Variants in TTC39C observed in about 807,000 individuals in gnomAD.
TTC39C encodes tetratricopeptide repeat protein 39C.
TTC39C carries 33 observed loss-of-function variants against 76.3 expected under a neutral mutation model. That is an observed-to-expected ratio of 0.43 (90% CI 0.33 to 0.58). TTC39C has a LOEUF of 0.58. TTC39C is among the 20% of genes least tolerant of loss of function. The pLI is 0.04. For missense variants in TTC39C, 595 were observed against 701.4 expected, an observed-to-expected ratio of 0.85 and a Z score of 1.71; for synonymous variants, 254 against 260.6, an observed-to-expected ratio of 0.97 and a Z score of 0.24.
At position 24,082,962 on chromosome 18, in the gene TTC39C, G is replaced by A. The variant is rs922571040; in HGVS notation, c.865G>A (p.Asp289Asn). The A allele has an allele frequency of 6.2e-7, 1 of 1,612,312 alleles. No homozygotes were observed. Among genetic ancestry groups the A allele is most frequent in the Non-Finnish European group, 8.5e-7 (1 of 1,179,402 alleles). Residue 289 changes from aspartate to asparagine, a missense_variant, in exon 6 of 14, where the codon GAT (aspartate) becomes AAT (asparagine). Asp to Asn is a conservative substitution (Grantham distance 23). Transcript: ENST00000317571. The stretch of plus-strand genomic sequence containing the variant: ...TGTAGTCCGCCCGTTTTTTGCCTTG[G>A]ATGGCAGTGATAACAAGGCAGGCCT... ...HTVVRPFFAL[D>N]GSDNKAGLDE...
chr18:23,997,495 T>C (rs2083271251), intron 1 of TTC39C, among the ~76,000 whole-genome samples: 2 of 129,340 alleles, frequency 1.5e-5, no homozygotes, highest in African/African-American at 6.1e-5. Flanking sequence ...GAGATTGCAG[T>C]GAGCTGAGAT....
At chr18:24,015,662 A>G (rs2083446297) in intron 1 of TTC39C, among the ~76,000 whole-genome samples, 1 of 152,180 alleles carries the variant, frequency 6.6e-6, no homozygotes, top group Non-Finnish European at 1.5e-5. Flanking sequence ...TGAGTTCCTG[A>G]TGTCTTTCAA....
intron 10 of TTC39C, 101 bp from the exon 11 acceptor site, chr18:24,128,785 G>A: frequency 1.1e-6 from 1 of 895,860 alleles, no homozygotes; most frequent in Non-Finnish European, 1.7e-6. Context: ...ATATCAGGAG[G>A]CAGAAACATG....
intron 9 of TTC39C, 37 bp from the exon 10 acceptor site, chr18:24,125,390 T>C (rs758548847): frequency 1.2e-6 from 2 of 1,612,408 alleles, no homozygotes; most frequent in South Asian, 2.2e-5. Context: ...GAATTTGTTT[T>C]TGAAAAATGT....
intron 1 of TTC39C, among the ~76,000 whole-genome samples, chr18:24,058,091 A>C (rs113907526): frequency 6.6e-6 from 1 of 152,234 alleles, no homozygotes; most frequent in African/African-American, 2.4e-5. Flanking sequence ...GTCCTCACTT[A>C]TAAGTGGGAG....
chr18:24,045,173 G>A (rs2083849442), intron 1 of TTC39C, among the ~76,000 whole-genome samples: 1 of 147,964 alleles, frequency 6.8e-6, no homozygotes, highest in South Asian at 2.1e-4. Context: ...GGAGGCTGAG[G>A]CAGGAGAATT....
At chr18:24,045,291 G>T (rs996659436) in intron 1 of TTC39C, among the ~76,000 whole-genome samples, 1 of 125,276 alleles carries the variant, frequency 8.0e-6, no homozygotes, top group East Asian at 2.2e-4. Flanking sequence ...AAAGCATGTA[G>T]CGTGTCCAAC....
intron 1 of TTC39C, among the ~76,000 whole-genome samples, chr18:24,001,993 T>A (rs1176643325): frequency 1.3e-5 from 2 of 151,642 alleles, no homozygotes; most frequent in Non-Finnish European, 2.9e-5. Flanking sequence ...GCCCGGCTAA[T>A]TTTTTTTGTA....
intron 1 of TTC39C, among the ~76,000 whole-genome samples, chr18:24,049,220 A>C (rs1201478299): frequency 1.6e-4 from 25 of 152,230 alleles, no homozygotes; most frequent in Admixed American, 1.4e-3. Context: ...TTCAGGAGTA[A>C]CTTCGTAGGC....
At chr18:24,070,110 T>C (rs1197506656) in intron 4 of TTC39C, among the ~76,000 whole-genome samples, 1 of 152,220 alleles carries the variant, frequency 6.6e-6, no homozygotes. Context: ...TTTTCCCCCT[T>C]TTTCTTGTTT....
At chr18:24,081,089 C>A in intron 5 of TTC39C, 150 bp downstream of exon 5, 1 of 707,422 alleles carries the variant, frequency 1.4e-6, no homozygotes, top group South Asian at 2.0e-5. Context: ...ACACCAAGGA[C>A]TGTGTTCTGT....
intron 4 of TTC39C, among the ~76,000 whole-genome samples, chr18:24,075,944 G>T (rs2084302587): frequency 6.6e-6 from 1 of 152,170 alleles, no homozygotes; most frequent in Non-Finnish European, 1.5e-5. Flanking sequence ...ATGGGGCAGG[G>T]TTTCCTCTCG....
At chr18:24,129,856 G>A (rs1289903388) in intron 11 of TTC39C, among the ~76,000 whole-genome samples, 1 of 151,504 alleles carries the variant, frequency 6.6e-6, no homozygotes, top group African/African-American at 2.4e-5. Context: ...GTCCTTGTAA[G>A]TTTAATCTTT....
At chr18:24,012,491 G>C (rs1416035269), upstream of TTC39C, among the ~76,000 whole-genome samples, 1 of 152,180 alleles carries the variant, frequency 6.6e-6, no homozygotes, top group Non-Finnish European at 1.5e-5. Context: ...CTCAGCTGCA[G>C]GGCCTCAAGT....
chr18:24,112,600 A>C (rs2145806396), intron 6 of TTC39C, among the ~76,000 whole-genome samples: 1 of 152,308 alleles, frequency 6.6e-6, no homozygotes, highest in Admixed American at 6.5e-5. Context: ...TGTCCCTGGC[A>C]CATAGCGGTT....
In TTC39C at chr18:24,114,567, G is replaced by A; in HGVS notation, c.998G>A (p.Ser333Asn). The A allele has an allele frequency of 3.1e-6, 5 of 1,613,704 alleles. No individual in the cohort carries two copies. Among genetic ancestry groups the A allele is most frequent in the Non-Finnish European group, 4.2e-6 (5 of 1,179,672 alleles). ...TTTTCTCCTTAGTGTCAAATCAACA[G>A]TGCCTTGACATCTTTCCACACTGCT... Reference protein sequence around the residue: ...RIQRLECQINSALTSFHTALE... With the variant: ...RIQRLECQINNALTSFHTALE... The change falls in exon 7 of 14, where the codon AGT becomes AAT. Residue 333 changes from serine (S) to asparagine (N), a missense_variant. Coordinates refer to ENST00000317571, the MANE Select transcript of TTC39C (RefSeq NM_001135993.2).
chr18:24,014,921 C>G lies in TTC39C; in HGVS notation c.50C>G (p.Ser17Trp). 6.6e-7 allele frequency: 1 copy of G among 1,519,282 alleles called. No homozygotes were observed. The highest frequency in any genetic ancestry group is 1.2e-5 in the South Asian group (1 of 80,704). 94.1% of individuals were successfully genotyped at this position (1,519,282 alleles called of 1,614,324 possible). Residue 17 changes from serine to tryptophan, a missense_variant, in exon 1 of 14, where the codon TCG becomes TGG. Coordinates refer to ENST00000317571, the MANE Select transcript of TTC39C (RefSeq NM_001135993.2). Reference sequence around the variant, plus strand: ...CCGCGGCGGCGGGACGACGGAGACTCGGACGCGGCAGCGGCGGCGGCGGCG... The same window carrying G: ...CCGCGGCGGCGGGACGACGGAGACTGGGACGCGGCAGCGGCGGCGGCGGCG... ...QRPRRRDDGD[S>W]DAAAAAAAPL...
intron 1 of TTC39C, among the ~76,000 whole-genome samples, chr18:24,021,300 C>T (rs1293660622): frequency 1.3e-5 from 2 of 152,176 alleles, no homozygotes; most frequent in East Asian, 3.8e-4. Context: ...CACGTCCTCT[C>T]CTCCCAACAC....
intron 6 of TTC39C, among the ~76,000 whole-genome samples, chr18:24,088,387 G>C (rs1056267218): frequency 2.0e-5 from 3 of 152,130 alleles, no homozygotes; most frequent in Admixed American, 2.0e-4. Context: ...AAATCATGTT[G>C]GTGTCTTCAC....
Sources: allele counts gnomAD v4.1 joint callset (sites outside exome capture counted in the v4.1 genomes callset), GRCh38; gene constraint gnomAD v4.1.1; transcripts MANE v1.5; gene names NCBI Gene and HGNC (gene_info 2026-07-23, HGNC 2026-07-21).